Variants in ZFHX3 observed in about 807,000 individuals in gnomAD.
ZFHX3 encodes the protein zinc finger homeobox 3.
In ZFHX3, 42 loss-of-function variants were observed where a neutral mutation model predicts 279.1. The observed-to-expected ratio is 0.15, with a 90% CI of 0.12 to 0.19. ZFHX3 has a LOEUF of 0.19. Among genes scored for constraint, ZFHX3 ranks in the 10% least tolerant of loss-of-function variants. The pLI, the probability that ZFHX3 is intolerant of heterozygous loss-of-function variation, is 1.00. For missense variants in ZFHX3, 4,981 were observed against 4,754.0 expected, an observed-to-expected ratio of 1.05 and a Z score of -1.40; for synonymous variants, 2,293 against 1,957.8, an observed-to-expected ratio of 1.17 and a Z score of -4.52.
intron 1 of ZFHX3, among the ~76,000 whole-genome samples, chr16:73,865,841 C>T (rs1425139955): frequency 1.3e-5 from 2 of 151,674 alleles, no homozygotes; most frequent in African/African-American, 2.4e-5. Context: ...AAAAAATAGC[C>T]GGGTGTGGTG....
In ZFHX3 at chr16:72,795,504, G is replaced by A. The variant is rs1422359886; in HGVS notation, c.7178C>T (p.Ala2393Val). The A allele has an allele frequency of 9.9e-6, 16 of 1,614,040 alleles. No homozygotes were observed. The highest frequency in any genetic ancestry group is 1.3e-5 in the Non-Finnish European group (15 of 1,180,036). Residue 2393 changes from alanine (A) to valine (V), a missense_variant, in exon 9 of 10, where the codon GCC becomes GTC. Ala to Val is a moderately conservative substitution (Grantham distance 64). This residue lies in a region of ZFHX3 where 744 missense variants were observed against 701.3 expected (regional missense o/e 1.06). Transcript: ENST00000268489. ...STPMPSQAYS[A>V]PAPSANNTAS... ...TGTATTATTGGCTGATGGTGCTGGGGCGCTGTAAGCCTGTGAGGGCATCGG... is the reference window on the plus strand; with the variant it reads ...TGTATTATTGGCTGATGGTGCTGGGACGCTGTAAGCCTGTGAGGGCATCGG...
intron 1 of ZFHX3, among the ~76,000 whole-genome samples, chr16:73,054,713 G>C (rs952123089): frequency 2.6e-5 from 4 of 151,998 alleles, no homozygotes. Context: ...GATGTCTGCC[G>C]ACCATATTCA....
intron 5 of ZFHX3, among the ~76,000 whole-genome samples, chr16:73,184,152 C>T (rs1026984776): frequency 6.6e-6 from 1 of 152,116 alleles, no homozygotes; most frequent in African/African-American, 2.4e-5. Flanking sequence ...CCCTTCTGAC[C>T]TCACCATCTA....
intron 2 of ZFHX3, among the ~76,000 whole-genome samples, chr16:73,631,858 G>A (rs1222479165): frequency 1.3e-5 from 2 of 151,738 alleles, no homozygotes; most frequent in Non-Finnish European, 2.9e-5. Context: ...AGTGAGCCGA[G>A]ATCGTGCCAT....
At chr16:73,712,736 C>T (rs2053376162) in intron 1 of ZFHX3, among the ~76,000 whole-genome samples, 1 of 152,190 alleles carries the variant, frequency 6.6e-6, no homozygotes, top group African/African-American at 2.4e-5. Context: ...CAGTGTTCTG[C>T]AAAATCAGCT....
At chr16:73,049,798 C>T (rs1965415987), upstream of ZFHX3, among the ~76,000 whole-genome samples, 2 of 152,152 alleles carry the variant, frequency 1.3e-5, no homozygotes, top group African/African-American at 4.8e-5. Flanking sequence ...TGCTTCCAGA[C>T]CACCTGACTT....
chr16:73,416,494 A>G (rs543168932), intron 3 of ZFHX3, among the ~76,000 whole-genome samples: 1 of 152,316 alleles, frequency 6.6e-6, no homozygotes, highest in South Asian at 2.1e-4. Flanking sequence ...TAGGGGGAAC[A>G]TGGAAAAGTC....
chr16:73,089,014 G>A (rs1966041649), intron 8 of ZFHX3, among the ~76,000 whole-genome samples: 1 of 152,166 alleles, frequency 6.6e-6, no homozygotes. Context: ...ACTTAACATA[G>A]CCCTGGGTGA....
chr16:73,412,396 G>A (rs902902052), intron 3 of ZFHX3, among the ~76,000 whole-genome samples: 1 of 151,562 alleles, frequency 6.6e-6, no homozygotes, highest in Non-Finnish European at 1.5e-5. Flanking sequence ...CTGCACTAGT[G>A]CACACTGTAC....
At chr16:73,683,771 A>C (rs1019560963) in intron 1 of ZFHX3, among the ~76,000 whole-genome samples, 1 of 152,204 alleles carries the variant, frequency 6.6e-6, no homozygotes, top group South Asian at 2.1e-4. Flanking sequence ...AACTGAGTGC[A>C]ACTCTGGATT....
chr16:73,294,950 A>G (rs2014872728), intron 4 of ZFHX3, among the ~76,000 whole-genome samples: 1 of 152,052 alleles, frequency 6.6e-6, no homozygotes, highest in African/African-American at 2.4e-5. Flanking sequence ...GCGGTGACTC[A>G]CGCCTGTAAT....
intron 5 of ZFHX3, among the ~76,000 whole-genome samples, chr16:73,224,199 A>G (rs987883940): frequency 5.3e-5 from 8 of 152,332 alleles, no homozygotes; most frequent in East Asian, 3.9e-4. Context: ...TGATGTGTCA[A>G]TGTAGATTTA....
chr16:73,509,059 G>C (rs1437006160), intron 2 of ZFHX3, among the ~76,000 whole-genome samples: 3 of 152,190 alleles, frequency 2.0e-5, no homozygotes, highest in Admixed American at 6.5e-5. Context: ...GCACAAAGTT[G>C]ATAGTAATTA....
intron 5 of ZFHX3, among the ~76,000 whole-genome samples, chr16:73,203,325 G>C: frequency 6.6e-6 from 1 of 152,202 alleles, no homozygotes. Context: ...CTGCTTTCAT[G>C]TCACTTCCTC....
Position 72,845,985 on chromosome 16 carries a change from G to A in ZFHX3, c.3449-16126C>T, listed in dbSNP as rs1423207120. Among the ~76,000 whole-genome samples the A allele has an allele frequency of 2.6e-5, 4 of 152,278 alleles. No homozygotes were observed. The East Asian group carries it at 7.8e-4, about 30-fold the overall frequency. ...ACCAACCATGGTGGCCTTCACAGGAGAACACACACTTGTGCTTGTGCTGTC... is the reference window on the plus strand; with the variant it reads ...ACCAACCATGGTGGCCTTCACAGGAAAACACACACTTGTGCTTGTGCTGTC... On this transcript the variant is annotated intron_variant, in intron 4 of 9. Transcript: ENST00000268489.
At position 72,796,321 on chromosome 16, in the gene ZFHX3, C is replaced by A. The variant is rs951848133; in HGVS notation, c.6361G>T (p.Val2121Leu). 1 of 1,614,100 alleles carries A rather than the reference C, an allele frequency of 6.2e-7. No homozygotes were observed. The highest frequency in any genetic ancestry group is 8.5e-7 in the Non-Finnish European group (1 of 1,180,014). The change falls in exon 9 of 10, where the codon GTG (valine) becomes TTG (leucine). Residue 2121 changes from valine (V) to leucine (L), a missense_variant. By Grantham distance (32) the Val-to-Leu change is conservative (BLOSUM62 1). Transcript: ENST00000268489. ...GCCAGGTCCGCAGGCAGAGGCTCCA[C>A]AGGTCCCAGCTGCGGGGGTAGCTGA... Reference protein sequence around the residue: ...PAQLPPQLGPVEPLPADLAQL... With the variant: ...PAQLPPQLGPLEPLPADLAQL...
At chr16:73,455,798 G>C (rs2018361120) in intron 3 of ZFHX3, among the ~76,000 whole-genome samples, 1 of 150,842 alleles carries the variant, frequency 6.6e-6, no homozygotes, top group African/African-American at 2.4e-5. Context: ...TCTACAGAAG[G>C]AATCTGATTT....
chr16:73,178,390 C>T (rs1016975812), intron 5 of ZFHX3, among the ~76,000 whole-genome samples: 1 of 152,156 alleles, frequency 6.6e-6, no homozygotes, highest in Non-Finnish European at 1.5e-5. Context: ...CCGCCTGCCT[C>T]GTACTCCCAA....
intron 3 of ZFHX3, among the ~76,000 whole-genome samples, chr16:72,934,697 G>A (rs977514907): frequency 4.0e-5 from 6 of 151,748 alleles, no homozygotes; most frequent in African/African-American, 9.7e-5. Context: ...CGCATTTGAC[G>A]GCTCTTACTG....
Sources: gnomAD v4.1 joint callset for allele counts (sites outside exome capture counted in the v4.1 genomes callset) on GRCh38, gnomAD v4.1.1 for gene constraint, gnomAD v4.1.1 regional missense constraint, MANE v1.5 for transcripts, NCBI Gene and HGNC (gene_info 2026-07-23, HGNC 2026-07-21) for gene names.